The following SLC35D4 variants were observed in gnomAD, a reference collection of about 807,000 sequenced individuals.
SLC35D4 encodes UDP-N-acetylglucosamine transporter SLC35D4.
chr18:23,422,491 C>T, the SLC35D4 span, among the ~76,000 whole-genome samples: 1 of 152,068 alleles, frequency 6.6e-6, no homozygotes, highest in Non-Finnish European at 1.5e-5. Flanking sequence ...CTGAAGTCTT[C>T]CCCACCAACC....
chr18:23,263,853 G>A, the SLC35D4 span, among the ~76,000 whole-genome samples: 1 of 152,218 alleles, frequency 6.6e-6, no homozygotes, highest in Admixed American at 6.5e-5. Context: ...GTCACAGAAA[G>A]ACTTTGATTC....
chr18:23,374,011 A>C, the SLC35D4 span, among the ~76,000 whole-genome samples: 1 of 152,206 alleles, frequency 6.6e-6, no homozygotes, highest in South Asian at 2.1e-4. Context: ...AGGCATTTAC[A>C]GGACATCTGC....
At chr18:23,323,297 A>G in the SLC35D4 span, among the ~76,000 whole-genome samples, 1 of 152,360 alleles carries the variant, frequency 6.6e-6, no homozygotes, top group Non-Finnish European at 1.5e-5. Context: ...GCAGTAATGG[A>G]GGTGAAAGAA....
chr18:23,247,226 C>T, the SLC35D4 span, among the ~76,000 whole-genome samples: 3 of 152,358 alleles, frequency 2.0e-5, no homozygotes, highest in East Asian at 5.8e-4. Flanking sequence ...CAGGCTCCCT[C>T]AAGACAGGAT....
the SLC35D4 span, among the ~76,000 whole-genome samples, chr18:23,418,441 G>A: frequency 6.7e-5 from 10 of 149,856 alleles, no homozygotes; most frequent in South Asian, 2.1e-4. Context: ...GCGTGATCTC[G>A]GCTCACTGCA....
the SLC35D4 span, among the ~76,000 whole-genome samples, chr18:23,414,128 G>A: frequency 3.3e-5 from 5 of 151,928 alleles, no homozygotes; most frequent in Admixed American, 2.0e-4. Context: ...GGTGGCAGGA[G>A]CCTGTAACCC....
chr18:23,399,629 CCA>C, the SLC35D4 span: 5 of 1,613,772 alleles, frequency 3.1e-6, no homozygotes, highest in Middle Eastern at 1.7e-4. Context: ...AAGCAGGAAG[CCA>C]CACAAGAACA....
chr18:23,396,802 A>G, the SLC35D4 span, among the ~76,000 whole-genome samples: 2 of 152,142 alleles, frequency 1.3e-5, no homozygotes, highest in South Asian at 4.1e-4. Context: ...GTCCTCGAGA[A>G]GATAAGGAGT....
the SLC35D4 span, among the ~76,000 whole-genome samples, chr18:23,414,218 C>T: frequency 1.3e-5 from 2 of 150,996 alleles, no homozygotes; most frequent in African/African-American, 4.9e-5. Context: ...CAAGCCACTG[C>T]ACTCCAGCCT....
chr18:23,320,928 C>T, the SLC35D4 span, among the ~76,000 whole-genome samples: 13 of 152,206 alleles, frequency 8.5e-5, no homozygotes, highest in Non-Finnish European at 1.9e-4. Context: ...AGAGTTTTCA[C>T]ACCTGCAGCC....
chr18:23,371,923 C>CTTTT, the SLC35D4 span, among the ~76,000 whole-genome samples: 8 of 111,532 alleles, frequency 7.2e-5, no homozygotes, highest in African/African-American at 1.4e-4. Flanking sequence ...TTATTTCTTC[C>CTTTT]TTGTTTTTTT....
chr18:23,388,686 C>T, the SLC35D4 span, among the ~76,000 whole-genome samples: 10 of 152,156 alleles, frequency 6.6e-5, no homozygotes, highest in Non-Finnish European at 1.3e-4. Context: ...AATCTTATGT[C>T]GAATTGTAAT....
the SLC35D4 span, chr18:23,377,659 C>T: frequency 6.3e-7 from 1 of 1,577,192 alleles, no homozygotes; most frequent in African/African-American, 1.4e-5. Flanking sequence ...CAGATCTTTG[C>T]AGGAGATGTT....
At chr18:23,246,623 C>A in the SLC35D4 span, among the ~76,000 whole-genome samples, 3 of 151,674 alleles carry the variant, frequency 2.0e-5, no homozygotes, top group Non-Finnish European at 4.4e-5. Context: ...GATCTCCTGA[C>A]CTTGTGATCC....
the SLC35D4 span, among the ~76,000 whole-genome samples, chr18:23,417,044 C>T: frequency 2.7e-3 from 411 of 152,154 alleles, 3 homozygotes; most frequent in African/African-American, 9.4e-3. Flanking sequence ...GAGTTAGAGA[C>T]CAGCCTGGGC....
the SLC35D4 span, among the ~76,000 whole-genome samples, chr18:23,406,729 G>C: frequency 1.3e-5 from 2 of 152,200 alleles, no homozygotes; most frequent in Non-Finnish European, 2.9e-5. Flanking sequence ...GCCTCCTCTG[G>C]TTCTGAGTGC....
At chr18:23,432,459 G>A in the SLC35D4 span, among the ~76,000 whole-genome samples, 7 of 151,908 alleles carry the variant, frequency 4.6e-5, no homozygotes, top group African/African-American at 1.7e-4. Flanking sequence ...GAGGCGGGAG[G>A]ATCACAAGGT....
the SLC35D4 span, among the ~76,000 whole-genome samples, chr18:23,427,602 A>T: frequency 9.9e-5 from 15 of 152,068 alleles, no homozygotes; most frequent in East Asian, 2.1e-3. Flanking sequence ...ATTGTGGAAG[A>T]CAGTGTGGCG....
At chr18:23,303,234 G>A in the SLC35D4 span, among the ~76,000 whole-genome samples, 1 of 152,248 alleles carries the variant, frequency 6.6e-6, no homozygotes, top group Non-Finnish European at 1.5e-5. Context: ...TCACTTTGTG[G>A]TTGGAAAATT....
Sources: allele counts gnomAD v4.1 joint callset (sites outside exome capture counted in the v4.1 genomes callset), GRCh38; gene constraint gnomAD v4.1.1; transcripts MANE v1.5; gene names NCBI Gene and HGNC (gene_info 2026-07-23, HGNC 2026-07-21).